The following STXBP5L variants were observed in gnomAD, a reference collection of about 807,000 sequenced individuals.
STXBP5L encodes the protein syntaxin binding protein 5L.
In STXBP5L, 65 loss-of-function variants were observed where a neutral mutation model predicts 144.5. The observed-to-expected ratio is 0.45, with a 90% CI of 0.37 to 0.55. STXBP5L has a LOEUF of 0.55. Ranked by LOEUF, STXBP5L falls within the 20% of genes least tolerant of loss-of-function variation. STXBP5L has a pLI of 0.00. For missense variants in STXBP5L, 1,298 were observed against 1,405.5 expected, an observed-to-expected ratio of 0.92 and a Z score of 1.22; for synonymous variants, 505 against 469.6, an observed-to-expected ratio of 1.08 and a Z score of -0.97.
chr3:121,336,249 C>A (rs1259399927), intron 20 of STXBP5L, among the ~76,000 whole-genome samples: 1 of 152,144 alleles, frequency 6.6e-6, no homozygotes, highest in African/African-American at 2.4e-5. Flanking sequence ...GTAGTCTCAA[C>A]AGTTTGGGAG....
intron 20 of STXBP5L, among the ~76,000 whole-genome samples, chr3:121,346,348 T>G (rs2044980633): frequency 6.6e-6 from 1 of 152,146 alleles, no homozygotes; most frequent in Admixed American, 6.6e-5. Context: ...ATCCACTCTA[T>G]CACTGATGGG....
intron 7 of STXBP5L, among the ~76,000 whole-genome samples, chr3:121,149,395 C>T (rs1261476590): frequency 6.6e-6 from 1 of 152,002 alleles, no homozygotes; most frequent in African/African-American, 2.4e-5. Context: ...TGGGGAAACA[C>T]TAGAGGCATA....
chr3:120,993,742 C>T (rs1943115538), intron 3 of STXBP5L, among the ~76,000 whole-genome samples: 1 of 151,902 alleles, frequency 6.6e-6, no homozygotes, highest in Admixed American at 6.6e-5. Context: ...GTGATGCTTC[C>T]AGCTTTGTTC....
At chr3:121,034,698 C>T (rs1470273910) in intron 3 of STXBP5L, among the ~76,000 whole-genome samples, 1 of 152,096 alleles carries the variant, frequency 6.6e-6, no homozygotes, top group Non-Finnish European at 1.5e-5. Context: ...GTGGAATTAT[C>T]TTTTTGGTAT....
intron 19 of STXBP5L, among the ~76,000 whole-genome samples, chr3:121,311,043 A>G (rs2043509344): frequency 6.6e-6 from 1 of 152,272 alleles, no homozygotes; most frequent in Admixed American, 6.5e-5. Context: ...TAACACAAAT[A>G]TAAGCAGTCC....
intron 22 of STXBP5L, among the ~76,000 whole-genome samples, chr3:121,406,373 T>C (rs917671259): frequency 6.6e-6 from 1 of 152,086 alleles, no homozygotes; most frequent in Non-Finnish European, 1.5e-5. Flanking sequence ...ATGTACACCC[T>C]TGAGACATTA....
At chr3:121,260,844 G>T (rs913032340) in intron 18 of STXBP5L, among the ~76,000 whole-genome samples, 1 of 152,110 alleles carries the variant, frequency 6.6e-6, no homozygotes, top group African/African-American at 2.4e-5. Context: ...TTCTTCAGGG[G>T]GATGTGGAGG....
At chr3:121,355,489 C>T (rs1304959695) in intron 20 of STXBP5L, among the ~76,000 whole-genome samples, 2 of 152,174 alleles carry the variant, frequency 1.3e-5, no homozygotes, top group African/African-American at 4.8e-5. Flanking sequence ...GCTATTGAAT[C>T]TTGTGCATGC....
At chr3:121,355,112 C>T (rs1284309264) in intron 20 of STXBP5L, among the ~76,000 whole-genome samples, 1 of 152,110 alleles carries the variant, frequency 6.6e-6, no homozygotes, top group African/African-American at 2.4e-5. Flanking sequence ...CTCTGGCTGC[C>T]CTTAACATTT....
intron 3 of STXBP5L, among the ~76,000 whole-genome samples, chr3:120,965,416 G>A (rs1252237296): frequency 6.6e-6 from 1 of 152,122 alleles, no homozygotes; most frequent in African/African-American, 2.4e-5. Flanking sequence ...GGCTGATACT[G>A]GTTGTTTCTT....
At chr3:120,932,277 T>C (rs1346354447) in intron 2 of STXBP5L, among the ~76,000 whole-genome samples, 2 of 152,214 alleles carry the variant, frequency 1.3e-5, no homozygotes, top group Non-Finnish European at 2.9e-5. Context: ...CTCCTAAGTA[T>C]ATAAATTTCT....
chr3:121,235,844 C>CACACACACACACACACACACACAT (rs2049462406), intron 12 of STXBP5L, among the ~76,000 whole-genome samples: 1 of 139,762 alleles, frequency 7.2e-6, no homozygotes, highest in Non-Finnish European at 1.5e-5. Flanking sequence ...CACACACATA[C>CACACACACACACACACACACACAT]ACACACACAC....
At chr3:121,389,697 G>C (rs957728854) in intron 22 of STXBP5L, among the ~76,000 whole-genome samples, 2 of 152,200 alleles carry the variant, frequency 1.3e-5, no homozygotes, top group African/African-American at 4.8e-5. Flanking sequence ...GTGTGGTTTT[G>C]AGTGAGTTTC....
At chr3:121,254,815 A>G (rs2050152780) in intron 15 of STXBP5L, 80 bp from the exon 16 acceptor site, 3 of 1,266,324 alleles carry the variant, frequency 2.4e-6, no homozygotes, top group African/African-American at 3.0e-5. Context: ...TTGTTGTTTA[A>G]CAAATATATT....
chr3:121,383,756 C>A (rs1334098231), intron 22 of STXBP5L, among the ~76,000 whole-genome samples: 1 of 152,040 alleles, frequency 6.6e-6, no homozygotes, highest in Non-Finnish European at 1.5e-5. Context: ...TCTTTCAGAG[C>A]CTACTTATTG....
chr3:121,008,827 G>A (rs549481165), intron 3 of STXBP5L, among the ~76,000 whole-genome samples: 5 of 151,956 alleles, frequency 3.3e-5, no homozygotes, highest in African/African-American at 1.2e-4. Flanking sequence ...TGAGATAGTG[G>A]TCCAGCACAA....
Position 120,954,791 on chromosome 3 carries a change from G to A in STXBP5L, c.190-149G>A, listed in dbSNP as rs564914475. The A allele has an allele frequency of 2.1e-5, 11 of 522,250 alleles. No individual in the cohort carries two copies. The Admixed American group carries it at 3.7e-4, about 18-fold the overall frequency. The allele number at this position is 522,250 out of a possible 1,614,324, so 32.4% of individuals were successfully genotyped here. A position where few individuals can be genotyped will look rare whatever the true frequency, so the allele number is the denominator to read the frequency against. On this transcript the variant is annotated intron_variant, in intron 2 of 26. Coordinates refer to ENST00000471454, the MANE Select transcript of STXBP5L (RefSeq NM_001308330.2). ...CTCCCATCAGCAATGTATGAGTTTA[G>A]GTTACTCCATCTCTGTGTTAATGTT...
chr3:120,998,244 A>G (rs1943506497), intron 3 of STXBP5L, among the ~76,000 whole-genome samples: 1 of 152,144 alleles, frequency 6.6e-6, no homozygotes. Context: ...GCAATCAGGG[A>G]AGAGAAAGAA....
intron 5 of STXBP5L, among the ~76,000 whole-genome samples, chr3:121,055,588 G>T (rs978765112): frequency 6.6e-6 from 1 of 151,988 alleles, no homozygotes; most frequent in Non-Finnish European, 1.5e-5. Context: ...CTAGCTCACT[G>T]CAGCCTCAAA....
Sources: gnomAD v4.1 joint callset for allele counts (sites outside exome capture counted in the v4.1 genomes callset) on GRCh38, gnomAD v4.1.1 for gene constraint, MANE v1.5 for transcripts, NCBI Gene and HGNC (gene_info 2026-07-23, HGNC 2026-07-21) for gene names.